Variants in ZNF157 observed in about 807,000 individuals in gnomAD.
ZNF157 encodes zinc finger protein 22.
Under a neutral mutation model 9.4 loss-of-function variants are expected in ZNF157, and 8 were observed. The observed-to-expected ratio is 0.85, with a 90% CI of 0.50 to 1.53. The LOEUF (loss-of-function observed/expected upper bound fraction) is 1.53, where lower values mean the gene tolerates loss of function less well. ZNF157 is among the 40% of genes most tolerant of loss of function. The pLI, the probability that ZNF157 is intolerant of heterozygous loss-of-function variation, is 0.00. For synonymous variants in ZNF157, 120 were observed against 130.8 expected (o/e 0.92, Z 0.56); for missense variants, 316 against 385.2 (o/e 0.82, Z 1.50).
chrX:47,394,516 C>T (rs2055907634), intron 1 of ZNF157, among the ~76,000 whole-genome samples: 1 of 111,782 alleles, frequency 8.9e-6, no homozygotes, highest in Non-Finnish European at 1.9e-5. Flanking sequence ...CCTTCAAATA[C>T]GTTGCTCGAA....
intron 1 of ZNF157, among the ~76,000 whole-genome samples, chrX:47,400,566 G>A (rs1268965223): frequency 8.9e-6 from 1 of 112,315 alleles, no homozygotes; most frequent in African/African-American, 3.2e-5. Context: ...TTTGCCCATT[G>A]TTGGATACTA....
Position 47,413,751 on chromosome X carries a change from T to G in ZNF157, c.*157T>G. ...TTTTTATTCAGATTTCCCTAATTAG[T>G]GGTGTGTGAACATCTTATCTGTTGA... is the stretch of plus-strand genomic sequence containing the variant. On this transcript the variant is annotated 3_prime_UTR_variant, in exon 4 of 4. Coordinates refer to ENST00000377073, the MANE Select transcript of ZNF157 (RefSeq NM_003446.4). 1.1e-6 allele frequency: 1 copy of G among 902,615 alleles called. No homozygotes were observed. The highest frequency in any genetic ancestry group is 3.6e-5 in the South Asian group (1 of 27,631). The allele number at this position is 902,615 out of a possible 1,213,427, so 74.4% of individuals were successfully genotyped here.
At chrX:47,412,042 T>G (rs2055966729) in intron 3 of ZNF157, among the ~76,000 whole-genome samples, 1 of 111,802 alleles carries the variant, frequency 8.9e-6, no homozygotes, top group Admixed American at 9.5e-5. Flanking sequence ...CACTGTAACC[T>G]CCACCTCCTG....
chrX:47,373,521 G>T (rs1323117796), intron 1 of ZNF157, among the ~76,000 whole-genome samples: 4 of 111,008 alleles, frequency 3.6e-5, no homozygotes, highest in Non-Finnish European at 7.5e-5. Flanking sequence ...GTTTGATGAT[G>T]AATTGGAGTG....
chrX:47,384,786 A>G (rs965283067), intron 1 of ZNF157, among the ~76,000 whole-genome samples: 7 of 112,539 alleles, frequency 6.2e-5, no homozygotes, highest in African/African-American at 2.3e-4. Flanking sequence ...AAGTGCCCTT[A>G]TGATTGAAGG....
At chrX:47,401,051 C>T (rs1411169986) in intron 1 of ZNF157, among the ~76,000 whole-genome samples, 12 of 111,967 alleles carry the variant, frequency 1.1e-4, no homozygotes, top group Admixed American at 9.6e-5. Flanking sequence ...ATGCTGAATA[C>T]GATGAGTACT....
chrX:47,410,066 G>C (rs1208699021), intron 1 of ZNF157, among the ~76,000 whole-genome samples: 1 of 111,920 alleles, frequency 8.9e-6, no homozygotes, highest in African/African-American at 3.2e-5. Context: ...CAGGAGTGCA[G>C]TGATCTTTTT....
chrX:47,399,589 C>T (rs1003524829), intron 1 of ZNF157, among the ~76,000 whole-genome samples: 1 of 112,124 alleles, frequency 8.9e-6, no homozygotes, highest in Admixed American at 9.5e-5. Context: ...CAAGAATGTT[C>T]CATTGATTCT....
intron 1 of ZNF157, among the ~76,000 whole-genome samples, chrX:47,399,993 CTCTT>C (rs2055925747): frequency 1.1e-5 from 1 of 87,672 alleles, no homozygotes; most frequent in African/African-American, 3.7e-5. Context: ...TGTTCTCTCT[CTCTT>C]TTTTTTTTTT....
intron 1 of ZNF157, among the ~76,000 whole-genome samples, chrX:47,382,171 A>T (rs2055865274): frequency 9.2e-6 from 1 of 108,763 alleles, no homozygotes; most frequent in Non-Finnish European, 1.9e-5. Flanking sequence ...TCAGATACCC[A>T]TTTGTCTCAG....
chrX:47,411,146 G>A (rs1352705179), intron 3 of ZNF157, among the ~76,000 whole-genome samples: 1 of 109,397 alleles, frequency 9.1e-6, no homozygotes, highest in Non-Finnish European at 1.9e-5. Context: ...GTGCCACCAC[G>A]CCTGGCTAAT....
chrX:47,390,611 A>G (rs1258445185), intron 1 of ZNF157, among the ~76,000 whole-genome samples: 1 of 112,837 alleles, frequency 8.9e-6, no homozygotes, highest in Non-Finnish European at 1.9e-5. Context: ...AGGCTGAGGC[A>G]GGAGAATCAC....
chrX:47,408,774 C>A (rs1396786723), intron 1 of ZNF157, among the ~76,000 whole-genome samples: 2 of 111,419 alleles, frequency 1.8e-5, no homozygotes, highest in Non-Finnish European at 3.8e-5. Flanking sequence ...GCCACACACT[C>A]TTAAACAACC....
rs1443229667 is a variant in ZNF157 at position 47,372,753 on chromosome X, A to T, written c.72+2013A>T. 3.7e-5 allele frequency among the ~76,000 whole-genome samples: 4 copies of T among 109,354 alleles called. No homozygotes were observed. The East Asian group carries it at 1.2e-3, about 32-fold the overall frequency. 95.0% of individuals were successfully genotyped at this position (109,354 alleles called of 115,157 possible). On this transcript the variant is annotated intron_variant, in intron 1 of 3. Transcript: ENST00000377073. ...AGGTGATCCACCTGCCTTGGCCTCCAAAAGTGCTGGGATTACTGGTGTGAG... is the reference window on the plus strand; with the variant it reads ...AGGTGATCCACCTGCCTTGGCCTCCTAAAGTGCTGGGATTACTGGTGTGAG...
At chrX:47,381,031 C>G (rs1161020935) in intron 1 of ZNF157, among the ~76,000 whole-genome samples, 76 of 27,173 alleles carry the variant, frequency 2.8e-3, no homozygotes, top group Non-Finnish European at 3.0e-3. Flanking sequence ...GGAGGAGGAG[C>G]AGGAGGAGGA....
chrX:47,373,115 C>A (rs760067555), intron 1 of ZNF157, among the ~76,000 whole-genome samples: 3 of 110,147 alleles, frequency 2.7e-5, no homozygotes, highest in Non-Finnish European at 5.7e-5. Flanking sequence ...AGGAGAATCA[C>A]TTGAACCTGT....
At chrX:47,373,451 G>A (rs1394390027) in intron 1 of ZNF157, among the ~76,000 whole-genome samples, 1 of 111,030 alleles carries the variant, frequency 9.0e-6, no homozygotes, top group Non-Finnish European at 1.9e-5. Context: ...ATGGTTCTTG[G>A]GCTGTTTGAT....
At position 47,414,331 on chromosome X, in the gene ZNF157, T is replaced by C. The variant is rs1207555013; in HGVS notation, c.*737T>C. ...CCGGCTAAAGTTTTATATTTTAATATTATCAGTTTCAAGGTGATAATATTC... is the reference window on the plus strand; with the variant it reads ...CCGGCTAAAGTTTTATATTTTAATACTATCAGTTTCAAGGTGATAATATTC... On this transcript the variant is annotated 3_prime_UTR_variant, in exon 4 of 4. Coordinates refer to ENST00000377073, the MANE Select transcript of ZNF157 (RefSeq NM_003446.4). 1 of 111,962 alleles carries C rather than the reference T, an allele frequency of 8.9e-6. No individual in the cohort carries two copies. Among genetic ancestry groups the C allele is most frequent in the Non-Finnish European group, 1.9e-5 (1 of 53,255 alleles). 9.2% of individuals were successfully genotyped at this position (111,962 alleles called of 1,213,427 possible). A position where few individuals can be genotyped will look rare whatever the true frequency, so the allele number is the denominator to read the frequency against.
intron 1 of ZNF157, among the ~76,000 whole-genome samples, chrX:47,380,738 ATTATTATTATTTTTCTTTT>A (rs1195567656): frequency 1.1e-4 from 11 of 103,417 alleles, no homozygotes; most frequent in Non-Finnish European, 1.8e-4. Flanking sequence ...ATTTTTATTT[ATTATTATTATTTTTCTTTT>A]TTATTATTAT....
Sources: gnomAD v4.1 joint callset for allele counts (sites outside exome capture counted in the v4.1 genomes callset) on GRCh38, gnomAD v4.1.1 for gene constraint, MANE v1.5 for transcripts, NCBI Gene and HGNC (gene_info 2026-07-23, HGNC 2026-07-21) for gene names.